The following PDZD2 variants were observed in gnomAD, a reference collection of about 807,000 sequenced individuals.
PDZD2 encodes PDZ domain containing 2.
PDZD2 carries 90 observed loss-of-function variants against 220.7 expected under a neutral mutation model. The ratio of observed to expected loss-of-function variants is 0.41; its 90% CI spans 0.34 to 0.49. The LOEUF (loss-of-function observed/expected upper bound fraction) is 0.49. PDZD2 is among the 20% of genes least tolerant of loss of function. PDZD2 has a pLI of 0.28. For synonymous variants in PDZD2, 1,375 were observed against 1,450.5 expected (o/e 0.95, Z 1.18); for missense variants, 3,174 against 3,608.5 (o/e 0.88, Z 3.08).
rs902031816 is a variant in PDZD2 at position 31,649,811 on chromosome 5, G to A, written c.-361+10374G>A. Among the ~76,000 whole-genome samples, 17 of 151,642 alleles carry A rather than the reference G, an allele frequency of 1.1e-4. 1 individual carries two copies. The highest frequency in any genetic ancestry group is 2.1e-4 in the Non-Finnish European group (14 of 67,906). Reference sequence around the variant, plus strand: ...AAATTAGCCAGGCATGGTGGCGCGCGCCTATAGTCCCAGCTACTCAGGAGG... The same window carrying A: ...AAATTAGCCAGGCATGGTGGCGCGCACCTATAGTCCCAGCTACTCAGGAGG... On this transcript the variant is annotated intron_variant, in intron 1 of 24. Transcript: ENST00000438447.
chr5:31,862,098 T>G (rs7730217), intron 2 of PDZD2, among the ~76,000 whole-genome samples: 6,699 of 118,794 alleles, frequency 0.056, 193 homozygotes, highest in Non-Finnish European at 0.077. Flanking sequence ...GTTTTTTTTT[T>G]GGGTTTTTTT....
chr5:31,963,895 T>G (rs1390956701), intron 2 of PDZD2, among the ~76,000 whole-genome samples: 1 of 152,046 alleles, frequency 6.6e-6, no homozygotes, highest in Non-Finnish European at 1.5e-5. Flanking sequence ...TCCTTCTCAA[T>G]GCCATGATGT....
intron 2 of PDZD2, among the ~76,000 whole-genome samples, chr5:31,873,533 T>TTTTATTTACTTA (rs370711615): frequency 3.5e-5 from 5 of 143,998 alleles, no homozygotes; most frequent in African/African-American, 1.3e-4. Flanking sequence ...TGAAAATTCT[T>TTTTATTTACTTA]TTTATTTATT....
intron 1 of PDZD2, among the ~76,000 whole-genome samples, chr5:31,689,353 A>ATTTTTTTTTTTTTTTT (rs1160111594): frequency 8.5e-5 from 3 of 35,122 alleles, no homozygotes; most frequent in African/African-American, 4.2e-4. Context: ...ATATATATAT[A>ATTTTTTTTTTTTTTTT]TTTTTTTTTT....
At chr5:32,068,183 C>G (rs1740396060) in intron 14 of PDZD2, among the ~76,000 whole-genome samples, 1 of 151,904 alleles carries the variant, frequency 6.6e-6, no homozygotes, top group South Asian at 2.1e-4. Flanking sequence ...CATGAGGAAA[C>G]TATCAGACAG....
intron 1 of PDZD2, among the ~76,000 whole-genome samples, chr5:31,720,158 C>T (rs1001544291): frequency 9.9e-5 from 15 of 152,246 alleles, no homozygotes; most frequent in African/African-American, 3.4e-4. Flanking sequence ...AATTGCTTCT[C>T]CACCTCTCTC....
intron 1 of PDZD2, among the ~76,000 whole-genome samples, chr5:31,693,284 C>T (rs1000881995): frequency 1.4e-5 from 2 of 143,548 alleles, no homozygotes; most frequent in African/African-American, 5.1e-5. Context: ...CTCTGTTGCC[C>T]AGGCTGAAGT....
Position 32,000,344 on chromosome 5 carries a change from C to A in PDZD2, c.1254+73C>A. ...TTGGGGTTGAGCCCCACCTCCCATG[C>A]CACACACACACACAAAGACATGTGT... On this transcript the variant is annotated intron_variant, in intron 5 of 24. Transcript: ENST00000438447. This position sits in a 1 kb window ranked among gnomAD's most constrained non-coding sequence, Gnocchi z 4.5. 2.2e-6 allele frequency: 3 copies of A among 1,381,742 alleles called. No individual in the cohort carries two copies. The highest frequency in any genetic ancestry group is 3.0e-6 in the Non-Finnish European group (3 of 987,150). The allele number at this position is 1,381,742 out of a possible 1,614,324, so 85.6% of individuals were successfully genotyped here. A position where few individuals can be genotyped will look rare whatever the true frequency, so the allele number is the denominator to read the frequency against.
At chr5:31,816,876 A>G (rs1182830804) in intron 2 of PDZD2, among the ~76,000 whole-genome samples, 1 of 152,196 alleles carries the variant, frequency 6.6e-6, no homozygotes, top group East Asian at 1.9e-4. Context: ...ATCTTCAGCT[A>G]TGGCAGCTGT....
At chr5:32,100,974 GC>G (rs747486054) in intron 23 of PDZD2, 130 bp from the exon 24 acceptor site, 9 of 1,599,858 alleles carry the variant, frequency 5.6e-6, no homozygotes, top group Non-Finnish European at 7.7e-6. Context: ...GTAAGTAAGT[GC>G]CCCAGGGTAG....
chr5:31,999,621 C>CGTGTA (rs1370558789), intron 4 of PDZD2, among the ~76,000 whole-genome samples: 1 of 152,166 alleles, frequency 6.6e-6, no homozygotes, highest in Non-Finnish European at 1.5e-5. Context: ...GATAGAGACA[C>CGTGTA]GTGTAGTGTA....
rs572691923 is a variant in PDZD2 at position 31,861,261 on chromosome 5, T to C, written c.476+61537T>C. On this transcript the variant is annotated intron_variant, in intron 2 of 24. Coordinates refer to ENST00000438447, the MANE Select transcript of PDZD2 (RefSeq NM_178140.4). ...CACCCTTCCTCTGCACTTCCTGGCATGTGAGATGATTAATTTTCTCCCTGT... is the reference window on the plus strand; with the variant it reads ...CACCCTTCCTCTGCACTTCCTGGCACGTGAGATGATTAATTTTCTCCCTGT... 2.9e-3 allele frequency among the ~76,000 whole-genome samples: 442 copies of C among 152,304 alleles called. 3 individuals are homozygous for C. Among genetic ancestry groups the C allele is most frequent in the South Asian group, 7.9e-3 (38 of 4,826 alleles).
chr5:32,089,268 C>G lies in PDZD2; in HGVS notation c.5820C>G (p.His1940Gln). 1 of 1,614,172 alleles carries G rather than the reference C, an allele frequency of 6.2e-7. No homozygotes were observed. The highest frequency in any genetic ancestry group is 8.5e-7 in the Non-Finnish European group (1 of 1,180,016). Residue 1940 changes from histidine (H) to glutamine (Q), a missense_variant, in exon 20 of 25, where the codon CAC becomes CAG. Transcript: ENST00000438447. Reference sequence around the variant, plus strand: ...CACAGCGGCTCCATGTAGCCGACCACGAGGACCCTGACAGAAACACCACAG... The same window carrying G: ...CACAGCGGCTCCATGTAGCCGACCAGGAGGACCCTGACAGAAACACCACAG... ...AVSQRLHVAD[H>Q]EDPDRNTTAA...
Position 32,108,753 on chromosome 5 carries a change from G to GTAT in PDZD2, c.*620_*622dup, listed in dbSNP as rs1554045834. On this transcript the variant is annotated 3_prime_UTR_variant, in exon 25 of 25. Coordinates refer to ENST00000438447, the MANE Select transcript of PDZD2 (RefSeq NM_178140.4). ...GAAAAAGCAAAATAATTAATTGAGA[G>GTAT]TATTTTTTAGTGAGTGTAATGTATA... is the stretch of plus-strand genomic sequence containing the variant. The GTAT allele has an allele frequency of 6.6e-6, 1 of 152,494 alleles. No homozygotes were observed. Among genetic ancestry groups the GTAT allele is most frequent in the African/African-American group, 2.4e-5 (1 of 41,376 alleles). The allele number at this position is 152,494 out of a possible 1,614,324, so 9.4% of individuals were successfully genotyped here.
At chr5:31,675,171 A>G (rs1746359599) in intron 1 of PDZD2, among the ~76,000 whole-genome samples, 1 of 152,210 alleles carries the variant, frequency 6.6e-6, no homozygotes, top group Non-Finnish European at 1.5e-5. Context: ...CACAGAGGGC[A>G]TTGGCTGGCA....
intron 2 of PDZD2, among the ~76,000 whole-genome samples, chr5:31,867,636 A>G (rs1328384951): frequency 6.6e-6 from 1 of 152,150 alleles, no homozygotes; most frequent in African/African-American, 2.4e-5. Context: ...CACTAAATCT[A>G]CAGCTTCAAG....
chr5:31,720,433 A>G (rs1414713251), intron 1 of PDZD2, among the ~76,000 whole-genome samples: 1 of 152,238 alleles, frequency 6.6e-6, no homozygotes, highest in Non-Finnish European at 1.5e-5. Flanking sequence ...TGCTTATGTC[A>G]TGATGATATA....
At position 32,090,058 on chromosome 5, in the gene PDZD2, G is replaced by T; in HGVS notation, c.6610G>T (p.Gly2204Trp). 1 of 1,613,340 alleles carries T rather than the reference G, an allele frequency of 6.2e-7. No individual in the cohort carries two copies. The highest frequency in any genetic ancestry group is 1.1e-5 in the South Asian group (1 of 91,004). The change falls in exon 20 of 25, where the codon GGG becomes TGG. Residue 2204 changes from glycine to tryptophan, a missense_variant. Physicochemically the swap from Gly to Trp is radical, Grantham distance 184. Around this residue, in one of 4 missense-constraint regions of PDZD2, gnomAD observed 1,861 missense variants for 2,001.0 expected, o/e 0.93. Coordinates refer to ENST00000438447, the MANE Select transcript of PDZD2 (RefSeq NM_178140.4). The surrounding 1 kb of genome is among the most constrained non-coding windows in gnomAD (Gnocchi z 4.3). ...AGGGGTGCCCAGAAACAGCATTCCA[G>T]GGGGCCCCTCGGGGGAGGACCATCT... The part of the protein sequence containing the change: ...SRGVPRNSIP[G>W]GPSGEDHLYF...
chr5:32,050,269 C>T (rs1454248782), intron 8 of PDZD2, among the ~76,000 whole-genome samples: 1 of 152,148 alleles, frequency 6.6e-6, no homozygotes, highest in Non-Finnish European at 1.5e-5. Context: ...GGTTTACAGC[C>T]ATCATGGCCA....
Sources: gnomAD v4.1 joint callset for allele counts (sites outside exome capture counted in the v4.1 genomes callset) on GRCh38, gnomAD v4.1.1 for gene constraint, gnomAD v4.1.1 regional missense constraint, Gnocchi (gnomAD v3.1) non-coding constraint, MANE v1.5 for transcripts, NCBI Gene and HGNC (gene_info 2026-07-23, HGNC 2026-07-21) for gene names.